Variants in ECT2L observed in about 807,000 individuals in gnomAD.
The protein encoded by ECT2L is epithelial cell-transforming sequence 2 oncogene-like.
In ECT2L, 126 loss-of-function variants were observed where a neutral mutation model predicts 122.8. The ratio of observed to expected loss-of-function variants is 1.03; its 90% CI spans 0.89 to 1.19. The LOEUF is 1.19. Among genes scored for constraint, ECT2L ranks in the 50% most tolerant of loss-of-function variants. ECT2L has a pLI of 0.00. For missense variants in ECT2L, 1,012 were observed against 1,064.1 expected (o/e 0.95, Z 0.68); for synonymous variants, 385 against 381.8 (o/e 1.01, Z -0.10).
intron 6 of ECT2L, 101 bp from the exon 7 acceptor site, chr6:138,844,311 C>G: frequency 7.3e-7 from 1 of 1,373,518 alleles, no homozygotes; most frequent in Non-Finnish European, 9.9e-7. Context: ...CATTTGGAAC[C>G]TTGCCCTGGT....
chr6:138,901,248 T>C, intron 21 of ECT2L, 128 bp downstream of exon 21: 1 of 953,932 alleles, frequency 1.0e-6, no homozygotes, highest in East Asian at 2.6e-5. Flanking sequence ...TCCCCCAATA[T>C]TAGAATTTCA....
chr6:138,822,228 T>G (rs1439841884), intron 4 of ECT2L, among the ~76,000 whole-genome samples: 1 of 152,156 alleles, frequency 6.6e-6, no homozygotes, highest in African/African-American at 2.4e-5. Context: ...GACAGAGCAG[T>G]GAACAAAACA....
intron 11 of ECT2L, among the ~76,000 whole-genome samples, chr6:138,863,798 T>TATA (rs1309292419): frequency 6.6e-6 from 1 of 151,218 alleles, no homozygotes; most frequent in Admixed American, 6.6e-5. Context: ...GTATTTTTAG[T>TATA]AGAGACGGGG....
Position 138,819,898 on chromosome 6 carries a change from A to C in ECT2L, c.179+5295A>C, listed in dbSNP as rs1045857063. Reference sequence around the variant, plus strand: ...CAAGACTTCATGTACCAAAAAAAAAACAAAAAACAAAAAACCAAGTGTTAG... The same window carrying C: ...CAAGACTTCATGTACCAAAAAAAAACCAAAAAACAAAAAACCAAGTGTTAG... On this transcript the variant is annotated intron_variant, in intron 4 of 21. Transcript: ENST00000541398. Among the ~76,000 whole-genome samples, 8 of 152,162 alleles carry C rather than the reference A, an allele frequency of 5.3e-5. No individual in the cohort carries two copies. In the South Asian group the frequency reaches 6.2e-4, roughly 12 times the overall value.
intron 10 of ECT2L, among the ~76,000 whole-genome samples, chr6:138,857,778 G>A (rs1294339805): frequency 9.2e-5 from 14 of 151,836 alleles, no homozygotes; most frequent in Admixed American, 9.2e-4. Flanking sequence ...TTCCACATAC[G>A]CACTCTCCTC....
At chr6:138,877,654 A>G (rs1778498250) in intron 14 of ECT2L, among the ~76,000 whole-genome samples, 1 of 152,172 alleles carries the variant, frequency 6.6e-6, no homozygotes, top group South Asian at 2.1e-4. Flanking sequence ...AATAAACAAG[A>G]AGAGTTTGGC....
At chr6:138,835,343 G>A (rs781384535) in intron 4 of ECT2L, among the ~76,000 whole-genome samples, 5 of 152,052 alleles carry the variant, frequency 3.3e-5, no homozygotes, top group African/African-American at 4.8e-5. Context: ...GAGCTTAAGA[G>A]TTCAAAACCA....
intron 8 of ECT2L, among the ~76,000 whole-genome samples, chr6:138,847,355 CTTTTTTTTTTTTTTT>C (rs1170631663): frequency 3.0e-3 from 166 of 54,956 alleles, no homozygotes; most frequent in African/African-American, 0.013. Flanking sequence ...AAGGCCCAAA[CTTTTTTTTTTTTTTT>C]TTTTTTTTTT....
chr6:138,886,032 A>G (rs1012216019), intron 18 of ECT2L, among the ~76,000 whole-genome samples: 1 of 152,192 alleles, frequency 6.6e-6, no homozygotes, highest in African/African-American at 2.4e-5. Flanking sequence ...ACATGAGACA[A>G]TGTTTTCAGA....
At chr6:138,887,168 C>A (rs77490352) in intron 19 of ECT2L, among the ~76,000 whole-genome samples, 2,126 of 152,158 alleles carry the variant, frequency 0.014, 24 homozygotes, top group East Asian at 0.051. Context: ...ATTGGTATTA[C>A]TGTGATCACA....
At chr6:138,825,964 A>G (rs1317577069) in intron 4 of ECT2L, among the ~76,000 whole-genome samples, 2 of 152,194 alleles carry the variant, frequency 1.3e-5, no homozygotes, top group Non-Finnish European at 2.9e-5. Flanking sequence ...TGCCTTAGTC[A>G]ACGACTCCCA....
chr6:138,846,628 C>T lies in ECT2L; in HGVS notation c.854C>T (p.Ala285Val). ...VHKNDDRSSYALRPHFMLISS... is the reference protein window; with the variant it reads ...VHKNDDRSSYVLRPHFMLISS... ...AAAAATGATGACAGATCTTCATATG[C>T]TCTCCGGCCACACTTCATGTTAATA... The change falls in exon 8 of 22, where the codon GCT (alanine) becomes GTT (valine). Residue 285 changes from alanine to valine, a missense_variant. By Grantham distance (64) the Ala-to-Val change is moderately conservative. Coordinates refer to ENST00000541398, the MANE Select transcript of ECT2L (RefSeq NM_001077706.3). 1 of 1,610,600 alleles carries T rather than the reference C, an allele frequency of 6.2e-7. No homozygotes were observed.
chr6:138,865,617 T>C (rs1215846160), intron 12 of ECT2L, among the ~76,000 whole-genome samples: 1 of 152,222 alleles, frequency 6.6e-6, no homozygotes, highest in East Asian at 1.9e-4. Context: ...CCATGGGCCT[T>C]TGCTGAGCCT....
intron 1 of ECT2L, among the ~76,000 whole-genome samples, chr6:138,809,029 T>C (rs1265675478): frequency 1.3e-5 from 2 of 152,160 alleles, no homozygotes. Flanking sequence ...GCCTGGCCTA[T>C]TTTTTCCTTT....
At chr6:138,845,390 G>A (rs752226910) in intron 7 of ECT2L, among the ~76,000 whole-genome samples, 9 of 151,964 alleles carry the variant, frequency 5.9e-5, no homozygotes, top group Admixed American at 3.9e-4. Context: ...CTATAGGTGC[G>A]CACTACCATG....
chr6:138,829,539 G>T (rs866004821), intron 4 of ECT2L, among the ~76,000 whole-genome samples: 122 of 152,200 alleles, frequency 8.0e-4, no homozygotes, highest in African/African-American at 2.7e-3. Flanking sequence ...GGTTCCCAAT[G>T]ACGTTATTAC....
At chr6:138,845,734 T>G (rs1777198049) in intron 7 of ECT2L, among the ~76,000 whole-genome samples, 1 of 152,150 alleles carries the variant, frequency 6.6e-6, no homozygotes, top group Non-Finnish European at 1.5e-5. Context: ...ATCTGAACAT[T>G]TGTGAATGTG....
At chr6:138,849,208 C>G (rs1047902928) in intron 8 of ECT2L, 61 bp from the exon 9 acceptor site, 23 of 1,399,044 alleles carry the variant, frequency 1.6e-5, no homozygotes, top group Non-Finnish European at 2.1e-5. Flanking sequence ...CTATTTCTTT[C>G]ATTAATAAAT....
At chr6:138,843,279 C>T (rs1288988833) in intron 6 of ECT2L, 48 bp downstream of exon 6, 6 of 1,480,546 alleles carry the variant, frequency 4.1e-6, no homozygotes, top group Non-Finnish European at 5.4e-6. Flanking sequence ...ATTGTAGACA[C>T]AAATGGATTC....
Sources: allele counts gnomAD v4.1 joint callset (sites outside exome capture counted in the v4.1 genomes callset), GRCh38; gene constraint gnomAD v4.1.1; transcripts MANE v1.5; gene names NCBI Gene and HGNC (gene_info 2026-07-23, HGNC 2026-07-21).